The following DCAF12 variants were observed in gnomAD, a reference collection of about 807,000 sequenced individuals.
DCAF12 encodes the protein DDB1 and CUL4 associated factor 12.
Under a neutral mutation model 52.8 loss-of-function variants are expected in DCAF12, and 28 were observed. That is an observed-to-expected ratio of 0.53 (90% CI 0.39 to 0.73). The LOEUF (loss-of-function observed/expected upper bound fraction) is 0.73. Ranked by LOEUF, DCAF12 falls within the 30% of genes least tolerant of loss-of-function variation. The pLI, the probability that DCAF12 is intolerant of heterozygous loss-of-function variation, is 0.00. For synonymous variants in DCAF12, 196 were observed against 215.5 expected (o/e 0.91, Z 0.79); for missense variants, 425 against 552.2 (o/e 0.77, Z 2.31).
chr9:34,112,679 A>T (rs1031586747), intron 2 of DCAF12, among the ~76,000 whole-genome samples: 5 of 151,996 alleles, frequency 3.3e-5, no homozygotes, highest in Admixed American at 3.3e-4. Flanking sequence ...AGGGCGGATC[A>T]TCTGAGGTTG....
chr9:34,124,628 G>A (rs1017384445), intron 2 of DCAF12, among the ~76,000 whole-genome samples: 2 of 152,034 alleles, frequency 1.3e-5, no homozygotes, highest in African/African-American at 4.8e-5. Context: ...TAAATACTTC[G>A]ACATACGTTC....
intron 7 of DCAF12, 124 bp downstream of exon 7, chr9:34,093,162 T>G (rs1828673377): frequency 7.7e-7 from 1 of 1,291,148 alleles, no homozygotes; most frequent in East Asian, 2.4e-5. Context: ...GCTCCCCTTT[T>G]TGAACACACT....
At chr9:34,096,183 C>T (rs930826364) in intron 6 of DCAF12, 1 of 152,314 alleles carries the variant, frequency 6.6e-6, no homozygotes, top group Non-Finnish European at 1.5e-5. Flanking sequence ...TAGTGAGACT[C>T]TGTCTCTACA....
At chr9:34,116,964 G>A (rs990987726) in intron 2 of DCAF12, among the ~76,000 whole-genome samples, 3 of 152,218 alleles carry the variant, frequency 2.0e-5, no homozygotes, top group Non-Finnish European at 2.9e-5. Context: ...GGGCAATAGC[G>A]CGAGACTCCG....
At chr9:34,114,019 A>AATGGC (rs1308071699) in intron 2 of DCAF12, among the ~76,000 whole-genome samples, 2 of 152,010 alleles carry the variant, frequency 1.3e-5, no homozygotes, top group East Asian at 3.9e-4. Context: ...GAGGCAGGAG[A>AATGGC]ATGGCGTGAA....
rs34456166 is a variant in DCAF12 at position 34,103,095 on chromosome 9, CAAAAAAAAAAA to C, written c.601+3328_601+3338del. Among the ~76,000 whole-genome samples the C allele has an allele frequency of 6.3e-4, 63 of 100,200 alleles. 1 individual carries two copies. Among genetic ancestry groups the C allele is most frequent in the African/African-American group, 2.6e-3 (60 of 23,198 alleles). 65.7% of individuals were successfully genotyped at this position (100,200 alleles called of 152,430 possible). A position where few individuals can be genotyped will look rare whatever the true frequency, so the allele number is the denominator to read the frequency against. ...GGGTGACAGGGCGAGACCTTAACTC[CAAAAAAAAAAA>C]AAAAAAAAAAAAAGAGAAACAACAG... On this transcript the variant is annotated intron_variant, in intron 4 of 8. Transcript: ENST00000361264.
chr9:34,099,592 C>CT (rs139424801), intron 4 of DCAF12, among the ~76,000 whole-genome samples: 19,882 of 150,588 alleles, frequency 0.13, 1,570 homozygotes, highest in South Asian at 0.32. Context: ...TTTTATTTTT[C>CT]TTTTTTTTCC....
At chr9:34,102,801 C>T (rs368321385) in intron 4 of DCAF12, among the ~76,000 whole-genome samples, 17 of 152,180 alleles carry the variant, frequency 1.1e-4, no homozygotes, top group South Asian at 6.2e-4. Context: ...CCTGGCTGGG[C>T]GCAGTGGCTC....
chr9:34,112,797 C>T (rs889209543), intron 2 of DCAF12, among the ~76,000 whole-genome samples: 9 of 151,882 alleles, frequency 5.9e-5, no homozygotes, highest in Non-Finnish European at 8.8e-5. Flanking sequence ...ACTCGGGAGG[C>T]TGAGGCAGGT....
chr9:34,120,000 C>G (rs1438514544), intron 2 of DCAF12, among the ~76,000 whole-genome samples: 1 of 151,658 alleles, frequency 6.6e-6, no homozygotes, highest in Non-Finnish European at 1.5e-5. Context: ...GCCACTATAC[C>G]CAGCCAATAC....
intron 8 of DCAF12, among the ~76,000 whole-genome samples, chr9:34,088,881 G>C (rs1262939586): frequency 6.6e-6 from 1 of 152,044 alleles, no homozygotes; most frequent in Non-Finnish European, 1.5e-5. Flanking sequence ...AGGCCAAGGT[G>C]AGAGAATCAC....
intron 5 of DCAF12, 21 bp downstream of exon 5, chr9:34,098,303 G>C (rs1237429210): frequency 6.2e-7 from 1 of 1,607,888 alleles, no homozygotes; most frequent in Non-Finnish European, 8.5e-7. Context: ...ACACGTCAGG[G>C]ATCCCTACAC....
intron 2 of DCAF12, among the ~76,000 whole-genome samples, chr9:34,122,034 C>T (rs921501308): frequency 4.6e-5 from 7 of 152,174 alleles, no homozygotes; most frequent in Non-Finnish European, 5.9e-5. Flanking sequence ...TCCCTGCTCC[C>T]CCGCAGCAGT....
At chr9:34,096,964 T>C (rs1391021969) in intron 5 of DCAF12, among the ~76,000 whole-genome samples, 183 bp from the exon 6 acceptor site, 2 of 152,132 alleles carry the variant, frequency 1.3e-5, no homozygotes, top group Non-Finnish European at 2.9e-5. Flanking sequence ...GCATATTAAA[T>C]TGAGGCTGCC....
chr9:34,106,948 T>TA (rs1412780013), intron 3 of DCAF12, among the ~76,000 whole-genome samples: 1 of 152,126 alleles, frequency 6.6e-6, no homozygotes, highest in African/African-American at 2.4e-5. Context: ...CACTCTGATG[T>TA]ATTACTGGTA....
intron 2 of DCAF12, chr9:34,109,082 T>C (rs1297919328): frequency 2.0e-5 from 3 of 151,176 alleles, no homozygotes; most frequent in African/African-American, 7.3e-5. Context: ...GAAGAACAAG[T>C]GCACACACAG....
chr9:34,113,609 G>A (rs1484913709), intron 2 of DCAF12, among the ~76,000 whole-genome samples: 2 of 151,876 alleles, frequency 1.3e-5, no homozygotes, highest in Non-Finnish European at 2.9e-5. Flanking sequence ...CAAAGTGCTG[G>A]GATTACAAGC....
chr9:34,123,929 C>T lies in DCAF12; in HGVS notation c.333+1094G>A, dbSNP rs569626818. The stretch of plus-strand genomic sequence containing the variant: ...TTGAAAGGCTTCTGGGTAAGACAAG[C>T]GACTCCTCAACAGAAGAGGAAACGA... On this transcript the variant is annotated intron_variant, in intron 2 of 8. Coordinates refer to ENST00000361264, the MANE Select transcript of DCAF12 (RefSeq NM_015397.4). 6.6e-5 allele frequency among the ~76,000 whole-genome samples: 10 copies of T among 152,200 alleles called. No individual in the cohort carries two copies. The South Asian group carries it at 1.0e-3, about 16-fold the overall frequency.
intron 4 of DCAF12, among the ~76,000 whole-genome samples, chr9:34,105,733 CTATCT>C (rs1187568931): frequency 1.9e-4 from 29 of 150,780 alleles, no homozygotes; most frequent in Non-Finnish European, 1.5e-5. Context: ...TTTTATCTAT[CTATCT>C]TATCTATCTA....
Sources: gnomAD v4.1 joint callset for allele counts (sites outside exome capture counted in the v4.1 genomes callset) on GRCh38, gnomAD v4.1.1 for gene constraint, MANE v1.5 for transcripts, NCBI Gene and HGNC (gene_info 2026-07-23, HGNC 2026-07-21) for gene names.